The following JMJD1C variants were observed in gnomAD, a reference collection of about 807,000 sequenced individuals.
The protein encoded by JMJD1C is jumonji domain containing 1C.
In JMJD1C, 31 loss-of-function variants were observed where a neutral mutation model predicts 245.3. The observed-to-expected ratio is 0.13, with a 90% CI of 0.09 to 0.17. The LOEUF is 0.17. Among genes scored for constraint, JMJD1C ranks in the 10% least tolerant of loss-of-function variants. The probability of loss-of-function intolerance (pLI) is 1.00; values close to 1 mark genes in which losing one functional copy is unlikely to be tolerated. For missense variants in JMJD1C, 2,691 were observed against 3,000.2 expected, an observed-to-expected ratio of 0.90 and a Z score of 2.41; for synonymous variants, 1,057 against 1,017.4, an observed-to-expected ratio of 1.04 and a Z score of -0.74.
Position 63,222,356 on chromosome 10 carries a change from C to T in JMJD1C, c.448-2373G>A, listed in dbSNP as rs958436550. The T allele has an allele frequency of 9.6e-6, 12 of 1,248,428 alleles. No homozygotes were observed. In the African/African-American group the frequency reaches 1.8e-4, roughly 19 times the overall value. The allele number at this position is 1,248,428 out of a possible 1,614,324, so 77.3% of individuals were successfully genotyped here. A position where few individuals can be genotyped will look rare whatever the true frequency, so the allele number is the denominator to read the frequency against. ...TGCACTGCATTTGGCACAAACAAAT[C>T]ATATGTTTTTCAGTACAGCTGGATG... On this transcript the variant is annotated intron_variant, in intron 3 of 25. Coordinates refer to ENST00000399262, the MANE Select transcript of JMJD1C (RefSeq NM_032776.3).
intron 2 of JMJD1C, among the ~76,000 whole-genome samples, chr10:63,366,372 G>C (rs1347846024): frequency 6.6e-6 from 1 of 152,042 alleles, no homozygotes. Context: ...GACTCCTCCT[G>C]GATTCTGCAC....
chr10:63,204,207 A>G (rs1846344766), intron 10 of JMJD1C: 2 of 985,402 alleles, frequency 2.0e-6, no homozygotes, highest in African/African-American at 3.5e-5. Context: ...AATAGATGAC[A>G]TCTAATATTG....
At chr10:63,507,215 C>T (rs974536515) in intron 1 of JMJD1C, among the ~76,000 whole-genome samples, 1 of 152,182 alleles carries the variant, frequency 6.6e-6, no homozygotes, top group East Asian at 1.9e-4. Flanking sequence ...AATACAGCTG[C>T]TATAAACATT....
intron 2 of JMJD1C, among the ~76,000 whole-genome samples, chr10:63,305,366 C>CAAAAAAA (rs758005863): frequency 3.8e-5 from 4 of 106,604 alleles, no homozygotes; most frequent in Non-Finnish European, 7.7e-5. Context: ...GACTCCACCT[C>CAAAAAAA]AAAAAAAAAA....
At chr10:63,268,847 A>G (rs1057341090) in intron 2 of JMJD1C, 5 of 985,750 alleles carry the variant, frequency 5.1e-6, no homozygotes, top group Non-Finnish European at 2.4e-6. Context: ...GCTCACTTGC[A>G]GCGGCGTCAT....
At chr10:63,400,156 C>A (rs983232291) in intron 1 of JMJD1C, among the ~76,000 whole-genome samples, 4 of 152,134 alleles carry the variant, frequency 2.6e-5, no homozygotes, top group Non-Finnish European at 5.9e-5. Flanking sequence ...AGAACCCTAA[C>A]AGATGGATAT....
intron 2 of JMJD1C, among the ~76,000 whole-genome samples, chr10:63,267,836 G>A (rs749545302): frequency 3.3e-5 from 5 of 152,062 alleles, no homozygotes; most frequent in Admixed American, 6.5e-5. Flanking sequence ...TGCATTTCTA[G>A]TAGGGCCTAC....
intron 1 of JMJD1C, among the ~76,000 whole-genome samples, chr10:63,418,066 A>G (rs966606801): frequency 3.5e-4 from 54 of 152,302 alleles, no homozygotes; most frequent in African/African-American, 1.3e-3. Flanking sequence ...TTAGCTTTTA[A>G]GGGGCCTAAA....
At chr10:63,308,562 C>T (rs1938621981) in intron 2 of JMJD1C, among the ~76,000 whole-genome samples, 1 of 148,396 alleles carries the variant, frequency 6.7e-6, no homozygotes, top group Non-Finnish European at 1.5e-5. Context: ...TTTGTATTAC[C>T]AGAAAAAGAG....
rs1244498850 is a variant in JMJD1C at position 63,262,893 on chromosome 10, A to C, written c.447+1758T>G. On this transcript the variant is annotated intron_variant, in intron 3 of 25. Coordinates refer to ENST00000399262, the MANE Select transcript of JMJD1C (RefSeq NM_032776.3). Reference sequence around the variant, plus strand: ...TCAAAAACATGTCGAGTTTTAGGCCACCTGGCAAGAGTTTATTTTTAAAAG... The same window carrying C: ...TCAAAAACATGTCGAGTTTTAGGCCCCCTGGCAAGAGTTTATTTTTAAAAG... Among the ~76,000 whole-genome samples the C allele has an allele frequency of 5.9e-5, 9 of 152,194 alleles. No homozygotes were observed. In the East Asian group the frequency reaches 1.7e-3, roughly 29 times the overall value.
rs763031687 is a variant in JMJD1C, at chr10:63,465,766, G to C, written c.-104C>G. 6 of 1,365,468 alleles carry C rather than the reference G, an allele frequency of 4.4e-6. No individual in the cohort carries two copies. The highest frequency in any genetic ancestry group is 6.1e-6 in the Non-Finnish European group (6 of 981,500). 84.6% of individuals were successfully genotyped at this position (1,365,468 alleles called of 1,614,324 possible). A position where few individuals can be genotyped will look rare whatever the true frequency, so the allele number is the denominator to read the frequency against. On this transcript the variant is annotated 5_prime_UTR_variant, in exon 1 of 26. Transcript: ENST00000399262. ...GCTGAGGAGAGCGGACCGGGACACA[G>C]CAGCGGACCCGAAAGAGCGCAGACT... is the stretch of plus-strand genomic sequence containing the variant.
chr10:63,443,865 C>T (rs1951537063), intron 1 of JMJD1C, among the ~76,000 whole-genome samples: 1 of 152,206 alleles, frequency 6.6e-6, no homozygotes, highest in South Asian at 2.1e-4. Flanking sequence ...ACCCCTATCA[C>T]TCGGGAGAGT....
At chr10:63,225,468 T>G (rs1849150676) in intron 3 of JMJD1C, among the ~76,000 whole-genome samples, 1 of 152,132 alleles carries the variant, frequency 6.6e-6, no homozygotes, top group African/African-American at 2.4e-5. Context: ...GTGAGACACC[T>G]TAATGTACTG....
At chr10:63,242,806 A>G (rs945080033) in intron 3 of JMJD1C, among the ~76,000 whole-genome samples, 1 of 152,122 alleles carries the variant, frequency 6.6e-6, no homozygotes, top group African/African-American at 2.4e-5. Flanking sequence ...AAACAGACCT[A>G]TTTATTTTCT....
In JMJD1C at chr10:63,364,385, C is replaced by G. The variant is rs186395846; in HGVS notation, c.333+15933G>C. Among the ~76,000 whole-genome samples, 158 of 152,290 alleles carry G rather than the reference C, an allele frequency of 1.0e-3. 1 individual carries two copies. The highest frequency in any genetic ancestry group is 3.7e-3 in the African/African-American group (153 of 41,560). The stretch of plus-strand genomic sequence containing the variant: ...TGTTAAATTGGTCACTAATTGACAC[C>G]CACTCCCTACATTCTAAAAATGTAT... On this transcript the variant is annotated intron_variant, in intron 2 of 25. Coordinates refer to ENST00000399262, the MANE Select transcript of JMJD1C (RefSeq NM_032776.3).
chr10:63,460,451 C>T (rs891249811), intron 1 of JMJD1C, among the ~76,000 whole-genome samples: 12 of 152,000 alleles, frequency 7.9e-5, no homozygotes, highest in Non-Finnish European at 1.2e-4. Context: ...TTGAGGAGTT[C>T]CAGGCGGCAG....
chr10:63,217,615 A>G (rs1275889331), intron 4 of JMJD1C: 1 of 202,660 alleles, frequency 4.9e-6, no homozygotes, highest in Admixed American at 5.9e-5. Context: ...TTCAAAATGC[A>G]AAGTTATAGT....
intron 1 of JMJD1C, among the ~76,000 whole-genome samples, chr10:63,434,327 G>A (rs1950941923): frequency 6.6e-6 from 1 of 152,166 alleles, no homozygotes; most frequent in Admixed American, 6.5e-5. Context: ...AAACGGCAAT[G>A]GACTAGGTTA....
At chr10:63,355,227 G>A (rs1054080399) in intron 2 of JMJD1C, among the ~76,000 whole-genome samples, 12 of 151,960 alleles carry the variant, frequency 7.9e-5, no homozygotes, top group Non-Finnish European at 4.4e-5. Flanking sequence ...AAATCAGGGA[G>A]GCCCCTGAGG....
Sources: gnomAD v4.1 joint callset for allele counts (sites outside exome capture counted in the v4.1 genomes callset) on GRCh38, gnomAD v4.1.1 for gene constraint, MANE v1.5 for transcripts, NCBI Gene and HGNC (gene_info 2026-07-23, HGNC 2026-07-21) for gene names.